EPHA6: variants seen among roughly 807,000 people sequenced by gnomAD.
EPHA6 encodes the protein EPH receptor A6, also known as ephrin type-A receptor 6.
In EPHA6, 50 loss-of-function variants were observed where a neutral mutation model predicts 112.0. That is an observed-to-expected ratio of 0.45 (90% confidence interval 0.36 to 0.56). The LOEUF is 0.56. Among genes scored for constraint, EPHA6 ranks in the 20% least tolerant of loss-of-function variants. The pLI is 0.00. For synonymous variants in EPHA6, 529 were observed against 490.7 expected, an observed-to-expected ratio of 1.08 and a Z score of -1.03; for missense variants, 1,280 against 1,417.4, an observed-to-expected ratio of 0.90 and a Z score of 1.56.
chr3:97,442,000 A>G (rs998209667), intron 6 of EPHA6, among the ~76,000 whole-genome samples: 2 of 152,148 alleles, frequency 1.3e-5, no homozygotes, highest in African/African-American at 4.8e-5. Context: ...AAGAACATAT[A>G]CTTTATGATT....
chr3:97,272,658 T>TG lies in EPHA6; in HGVS notation c.1606+28376dup, dbSNP rs756294202. Among the ~76,000 whole-genome samples the TG allele has an allele frequency of 1.7e-4, 23 of 139,176 alleles. 1 individual carries two copies. Among genetic ancestry groups the TG allele is most frequent in the Non-Finnish European group, 3.6e-4 (23 of 64,634 alleles). 91.3% of individuals were successfully genotyped at this position (139,176 alleles called of 152,430 possible). ...GGGGGTGTTCTCTGGCAGGCAGGGG[T>TG]GGGGGTCACAGGGTGCTCAGTGGGG... On this transcript the variant is annotated intron_variant, in intron 5 of 17. Transcript: ENST00000389672.
intron 3 of EPHA6, among the ~76,000 whole-genome samples, chr3:97,193,649 C>T (rs72922397): frequency 7.1e-4 from 107 of 151,554 alleles, no homozygotes; most frequent in Middle Eastern, 3.4e-3. Context: ...TCTGATTGCT[C>T]TAGGTAGGAC....
At chr3:97,367,305 T>A (rs1351160891) in intron 5 of EPHA6, among the ~76,000 whole-genome samples, 1 of 152,176 alleles carries the variant, frequency 6.6e-6, no homozygotes, top group Non-Finnish European at 1.5e-5. Context: ...GCCCCCTACA[T>A]CAGCTAAAAC....
chr3:97,212,063 C>T (rs1221769018), intron 3 of EPHA6, among the ~76,000 whole-genome samples: 1 of 151,984 alleles, frequency 6.6e-6, no homozygotes, highest in Non-Finnish European at 1.5e-5. Context: ...AAAGCAAATT[C>T]AGTCTGACTT....
intron 16 of EPHA6, among the ~76,000 whole-genome samples, chr3:97,738,990 G>A (rs1484229496): frequency 6.6e-6 from 1 of 151,970 alleles, no homozygotes; most frequent in Non-Finnish European, 1.5e-5. Context: ...CACCCACTCT[G>A]TTCCTGATTC....
intron 2 of EPHA6, among the ~76,000 whole-genome samples, chr3:96,901,917 A>C (rs1194914078): frequency 6.6e-6 from 1 of 152,218 alleles, no homozygotes; most frequent in East Asian, 1.9e-4. Flanking sequence ...ATATAGTACC[A>C]GTAGAAAGGT....
chr3:97,128,651 A>C (rs1318193566), intron 3 of EPHA6, among the ~76,000 whole-genome samples: 1 of 151,866 alleles, frequency 6.6e-6, no homozygotes, highest in Non-Finnish European at 1.5e-5. Context: ...AGTAGCTGGA[A>C]CCGCAGGCAC....
At chr3:96,815,730 T>C (rs1259383208) in intron 1 of EPHA6, among the ~76,000 whole-genome samples, 2 of 152,144 alleles carry the variant, frequency 1.3e-5, no homozygotes, top group African/African-American at 4.8e-5. Flanking sequence ...TAAATAGTGG[T>C]TAAAAAGTGA....
intron 6 of EPHA6, among the ~76,000 whole-genome samples, chr3:97,443,404 A>G (rs2090209953): frequency 6.6e-6 from 1 of 151,366 alleles, no homozygotes; most frequent in Admixed American, 6.6e-5. Context: ...AGTACTACAT[A>G]TTAATAGCAC....
At chr3:96,902,736 G>A (rs1383952388) in intron 2 of EPHA6, among the ~76,000 whole-genome samples, 1 of 152,136 alleles carries the variant, frequency 6.6e-6, no homozygotes, top group Non-Finnish European at 1.5e-5. Context: ...GGGGAAAAAT[G>A]CCTTTTCTCC....
intron 1 of EPHA6, among the ~76,000 whole-genome samples, chr3:96,834,819 T>G (rs1016144613): frequency 6.6e-6 from 1 of 152,008 alleles, no homozygotes; most frequent in African/African-American, 2.4e-5. Flanking sequence ...TGGCGTAATA[T>G]CTAGGCTTTC....
chr3:97,272,297 CGTGT>C (rs58790255), intron 5 of EPHA6, among the ~76,000 whole-genome samples: 1,655 of 150,324 alleles, frequency 0.011, 33 homozygotes, highest in African/African-American at 0.035. Context: ...TATTCCATTT[CGTGT>C]GTGTGTGTGT....
intron 3 of EPHA6, among the ~76,000 whole-genome samples, chr3:97,118,815 C>T (rs1476256852): frequency 6.6e-6 from 1 of 151,908 alleles, no homozygotes; most frequent in Non-Finnish European, 1.5e-5. Context: ...TAGAAAGTGG[C>T]TAAAATATTC....
chr3:97,017,400 G>A (rs1039830687), intron 3 of EPHA6, among the ~76,000 whole-genome samples: 1 of 152,210 alleles, frequency 6.6e-6, no homozygotes, highest in Non-Finnish European at 1.5e-5. Context: ...CCAACCCTCA[G>A]AAGGAGTATT....
chr3:96,817,848 G>T (rs1323668937), intron 1 of EPHA6, among the ~76,000 whole-genome samples: 1 of 151,858 alleles, frequency 6.6e-6, no homozygotes, highest in Non-Finnish European at 1.5e-5. Context: ...TTTTAACGTG[G>T]TGCAAACAGT....
chr3:97,319,649 G>A (rs1357323944), intron 5 of EPHA6, among the ~76,000 whole-genome samples: 10 of 134,806 alleles, frequency 7.4e-5, no homozygotes, highest in East Asian at 2.2e-4. Context: ...CAGCCTGGGC[G>A]ACAGAGCGAG....
At chr3:97,569,014 G>A (rs1338323451) in intron 11 of EPHA6, among the ~76,000 whole-genome samples, 3 of 152,188 alleles carry the variant, frequency 2.0e-5, no homozygotes, top group Non-Finnish European at 4.4e-5. Context: ...CAGACACCAA[G>A]GGTAGGAGAT....
chr3:97,336,031 C>T (rs1414968955), intron 5 of EPHA6, among the ~76,000 whole-genome samples: 3 of 152,074 alleles, frequency 2.0e-5, no homozygotes, highest in African/African-American at 7.2e-5. Context: ...ATCTCAAGCA[C>T]GTATCTTAAG....
intron 2 of EPHA6, among the ~76,000 whole-genome samples, chr3:96,868,730 T>C (rs1475321807): frequency 6.6e-6 from 1 of 152,016 alleles, no homozygotes; most frequent in East Asian, 1.9e-4. Context: ...ATAAATAATG[T>C]ATTTCTCAGG....
Sources: allele counts gnomAD v4.1 joint callset (sites outside exome capture counted in the v4.1 genomes callset), GRCh38; gene constraint gnomAD v4.1.1; transcripts MANE v1.5; gene names NCBI Gene and HGNC (gene_info 2026-07-23, HGNC 2026-07-21).